The following ING2 variants were observed in gnomAD, a reference collection of about 807,000 sequenced individuals.
The protein encoded by ING2 is inhibitor of growth protein 2.
ING2 carries 7 observed loss-of-function variants against 30.6 expected under a neutral mutation model. The ratio of observed to expected loss-of-function variants is 0.23; its 90% CI spans 0.13 to 0.43. The LOEUF (loss-of-function observed/expected upper bound fraction) is 0.43. Among genes scored for constraint, ING2 ranks in the 20% least tolerant of loss-of-function variants. ING2 has a pLI of 1.00. For missense variants in ING2, 239 were observed against 334.9 expected (o/e 0.71, Z 2.24); for synonymous variants, 136 against 121.7 (o/e 1.12, Z -0.78).
chr4:183,510,936 A>G lies in ING2; in HGVS notation c.827A>G (p.Asp276Gly), dbSNP rs1367692591. Residue 276 changes from aspartate (D) to glycine (G), a missense_variant, in exon 2 of 2, where the codon GAT (aspartate) becomes GGT (glycine). By Grantham distance (94) the Asp-to-Gly change is moderately conservative. Around this residue, in one of 5 missense-constraint regions of ING2, gnomAD observed 20 missense variants for 17.3 expected, o/e 1.16. Coordinates refer to ENST00000302327, the MANE Select transcript of ING2 (RefSeq NM_001564.4). Reference protein sequence around the residue: ...MDKSTEKTKKDRRSR With the variant: ...MDKSTEKTKKGRRSR The stretch of plus-strand genomic sequence containing the variant: ...AAAAGTACTGAAAAGACAAAAAAGG[A>G]TAGAAGATCGAGGTAGTAAAGGCCA... The G allele has an allele frequency of 1.3e-6, 2 of 1,593,672 alleles. No individual in the cohort carries two copies. The highest frequency in any genetic ancestry group is 8.6e-7 in the Non-Finnish European group (1 of 1,166,354).
intron 1 of ING2, among the ~76,000 whole-genome samples, chr4:183,507,173 T>C (rs1309287858): frequency 1.3e-5 from 2 of 152,204 alleles, no homozygotes. Context: ...CGATCTTAGC[T>C]CCCTGCAACC....
intron 1 of ING2, among the ~76,000 whole-genome samples, chr4:183,507,262 G>T (rs757360262): frequency 2.6e-5 from 4 of 152,238 alleles, no homozygotes; most frequent in Middle Eastern, 6.8e-3. Flanking sequence ...CATCACGCCG[G>T]GCTAAGTTTT....
At chr4:183,506,391 G>A (rs1734649304) in intron 1 of ING2, 1 of 1,053,880 alleles carries the variant, frequency 9.5e-7, no homozygotes, top group Non-Finnish European at 1.3e-6. Context: ...ACCGCCTGGC[G>A]TCCCCGAGCC....
chr4:183,507,181 A>C (rs1579168094), intron 1 of ING2, among the ~76,000 whole-genome samples: 2 of 152,120 alleles, frequency 1.3e-5, no homozygotes, highest in Admixed American at 6.5e-5. Flanking sequence ...GCTCCCTGCA[A>C]CCTCTGCCTC....
chr4:183,509,143 A>C (rs1734752621), intron 1 of ING2, among the ~76,000 whole-genome samples: 1 of 152,248 alleles, frequency 6.6e-6, no homozygotes, highest in African/African-American at 2.4e-5. Flanking sequence ...TGGGAAGCTA[A>C]GAGTTGCTTA....
At chr4:183,507,760 A>T (rs1369654447) in intron 1 of ING2, among the ~76,000 whole-genome samples, 2 of 152,126 alleles carry the variant, frequency 1.3e-5, no homozygotes, top group Non-Finnish European at 2.9e-5. Context: ...CTGGTTTTGG[A>T]TCTAATATTT....
At chr4:183,509,553 C>G (rs1038148077) in intron 1 of ING2, among the ~76,000 whole-genome samples, 2 of 151,012 alleles carry the variant, frequency 1.3e-5, no homozygotes, top group Non-Finnish European at 2.9e-5. Flanking sequence ...TCTCGCCATT[C>G]TCCTGCCTCA....
At chr4:183,506,130 C>G (rs1282997057) in intron 1 of ING2, 1 of 1,230,846 alleles carries the variant, frequency 8.1e-7, no homozygotes, top group African/African-American at 1.6e-5. Flanking sequence ...AATGGCTGGT[C>G]GCGAGAGGGG....
rs748577704 is a variant in ING2, at chr4:183,510,486, A to C, written c.377A>C (p.Gln126Pro). ...ATGGAGTTACACTCACAGTGTTTCCAAGATCCTGCTGAAAGTGAACGAGCC... is the reference window on the plus strand; with the variant it reads ...ATGGAGTTACACTCACAGTGTTTCCCAGATCCTGCTGAAAGTGAACGAGCC... ...RQMELHSQCF[Q>P]DPAESERASD... Residue 126 changes from glutamine (Q) to proline (P), a missense_variant, in exon 2 of 2, where the codon CAA (glutamine) becomes CCA (proline). This residue lies in a region of ING2 where 115 missense variants were observed against 120.1 expected (regional missense o/e 0.96). Transcript: ENST00000302327. The C allele has an allele frequency of 1.9e-6, 3 of 1,614,172 alleles. No homozygotes were observed. Among genetic ancestry groups the C allele is most frequent in the Admixed American group, 3.3e-5 (2 of 60,034 alleles).
intron 1 of ING2, among the ~76,000 whole-genome samples, chr4:183,507,001 G>C (rs984579514): frequency 1.5e-4 from 23 of 152,314 alleles, no homozygotes; most frequent in African/African-American, 5.5e-4. Flanking sequence ...TACAGATATG[G>C]AGCACAAACA....
rs1734837517 is a variant in ING2, at chr4:183,512,336, AATGAGTT to A, written c.*1385_*1391del. Among the ~76,000 whole-genome samples, 1 of 152,114 alleles carries A rather than the reference AATGAGTT, an allele frequency of 6.6e-6. No homozygotes were observed. The highest frequency in any genetic ancestry group is 2.4e-5 in the African/African-American group (1 of 41,420). On this transcript the variant is annotated 3_prime_UTR_variant, in exon 2 of 2. Transcript: ENST00000302327. ...TGGGTGTCAGGTCATTCACCTGTAAAATGAGTTGGCTTAAATATCTCCGAGATTCCTT... is the reference window on the plus strand; with the variant it reads ...TGGGTGTCAGGTCATTCACCTGTAAAGGCTTAAATATCTCCGAGATTCCTT...
Position 183,510,342 on chromosome 4 carries a change from A to G in ING2, c.233A>G (p.Gln78Arg), listed in dbSNP as rs1734792999. Residue 78 changes from glutamine to arginine, a missense_variant, in exon 2 of 2, where the codon CAG (glutamine) becomes CGG (arginine). Gln to Arg is a conservative substitution (Grantham distance 43, BLOSUM62 1). Around this residue, in one of 5 missense-constraint regions of ING2, gnomAD observed 80 missense variants for 102.4 expected, o/e 0.78. Coordinates refer to ENST00000302327, the MANE Select transcript of ING2 (RefSeq NM_001564.4). ...EKYKKEDDLN[Q>R]KKRLQQLLQR... ...TATAAGAAAGAAGATGATTTAAACC[A>G]GAAGAAACGTCTACAGCAGCTTCTC... 3 of 1,610,828 alleles carry G rather than the reference A, an allele frequency of 1.9e-6. No individual in the cohort carries two copies. The highest frequency in any genetic ancestry group is 2.5e-6 in the Non-Finnish European group (3 of 1,179,140).
intron 1 of ING2, among the ~76,000 whole-genome samples, chr4:183,509,531 C>A (rs1464154080): frequency 1.3e-5 from 2 of 151,618 alleles, no homozygotes; most frequent in African/African-American, 4.8e-5. Context: ...CTGCAAGCTC[C>A]GCCTCCAGGG....
intron 1 of ING2, chr4:183,505,968 T>G: frequency 1.7e-6 from 1 of 573,700 alleles, no homozygotes; most frequent in Non-Finnish European, 2.4e-6. Context: ...AGCCCAGTTC[T>G]TTCGGCAAAA....
chr4:183,506,067 G>A lies in ING2; in HGVS notation c.172+700G>A, dbSNP rs1034462502. On this transcript the variant is annotated intron_variant, in intron 1 of 1. Transcript: ENST00000302327. ...CCCCGCGCCGGGGGCGGGGCCTGCGGGCTTGACGAGGGGCGTGGGAGGGGC... is the reference window on the plus strand; with the variant it reads ...CCCCGCGCCGGGGGCGGGGCCTGCGAGCTTGACGAGGGGCGTGGGAGGGGC... 6.1e-6 allele frequency: 7 copies of A among 1,144,308 alleles called. No individual in the cohort carries two copies. In the African/African-American group the frequency reaches 1.2e-4, roughly 19 times the overall value. 70.9% of individuals were successfully genotyped at this position (1,144,308 alleles called of 1,614,324 possible).
chr4:183,507,327 C>T (rs1024226835), intron 1 of ING2, among the ~76,000 whole-genome samples: 2 of 152,254 alleles, frequency 1.3e-5, no homozygotes, highest in Non-Finnish European at 2.9e-5. Flanking sequence ...TCTTGAACTC[C>T]TGACCTCAGG....
chr4:183,505,321 G>A lies in ING2; in HGVS notation c.126G>A (p.Met42Ile). Reference protein sequence around the residue: ...LECVESLPHDMQRNVSVLREL... With the variant: ...LECVESLPHDIQRNVSVLREL... Reference sequence around the variant, plus strand: ...GCGTGGAGTCGCTGCCCCACGACATGCAGAGGAACGTGTCTGTGCTGCGAG... The same window carrying A: ...GCGTGGAGTCGCTGCCCCACGACATACAGAGGAACGTGTCTGTGCTGCGAG... Residue 42 changes from methionine to isoleucine, a missense_variant, in exon 1 of 2, where the codon ATG becomes ATA. Physicochemically the swap from Met to Ile is conservative, Grantham distance 10. Transcript: ENST00000302327. 6.4e-7 allele frequency: 1 copy of A among 1,552,066 alleles called. No individual in the cohort carries two copies. The highest frequency in any genetic ancestry group is 1.8e-4 in the Middle Eastern group (1 of 5,662).
rs746651110 is a variant in ING2, at chr4:183,510,953, T to A, written c.*1T>A. ...AAAAAAGGATAGAAGATCGAGGTAGTAAAGGCCATCCACATTTTAAAGGGT... is the reference window on the plus strand; with the variant it reads ...AAAAAAGGATAGAAGATCGAGGTAGAAAAGGCCATCCACATTTTAAAGGGT... On this transcript the variant is annotated 3_prime_UTR_variant, in exon 2 of 2. Coordinates refer to ENST00000302327, the MANE Select transcript of ING2 (RefSeq NM_001564.4). 1 of 1,570,366 alleles carries A rather than the reference T, an allele frequency of 6.4e-7. No homozygotes were observed. Among genetic ancestry groups the A allele is most frequent in the South Asian group, 1.2e-5 (1 of 85,484 alleles).
chr4:183,505,447 G>T, intron 1 of ING2, 80 bp downstream of exon 1: 1 of 1,334,044 alleles, frequency 7.5e-7, no homozygotes, highest in South Asian at 1.4e-5. Context: ...CCTTTCTCCC[G>T]TGACAGTCTC....
Sources: allele counts gnomAD v4.1 joint callset (sites outside exome capture counted in the v4.1 genomes callset), GRCh38; gene constraint gnomAD v4.1.1; regional missense constraint gnomAD v4.1.1; transcripts MANE v1.5; gene names NCBI Gene and HGNC (gene_info 2026-07-23, HGNC 2026-07-21).